The following MARCHF1 variants were observed in gnomAD, a reference collection of about 807,000 sequenced individuals.
MARCHF1 encodes membrane associated ring-CH-type finger 1.
Under a neutral mutation model 54.2 loss-of-function variants are expected in MARCHF1, and 40 were observed. The ratio of observed to expected loss-of-function variants is 0.74; its 90% CI spans 0.57 to 0.96. The LOEUF (loss-of-function observed/expected upper bound fraction) is 0.96. MARCHF1 is among the 40% of genes least tolerant of loss of function. The probability of loss-of-function intolerance (pLI) is 0.00; values close to 1 mark genes in which losing one functional copy is unlikely to be tolerated. For synonymous variants in MARCHF1, 236 were observed against 236.3 expected, an observed-to-expected ratio of 1.00 and a Z score of 0.01; for missense variants, 586 against 656.5, an observed-to-expected ratio of 0.89 and a Z score of 1.17.
chr4:164,070,067 G>A (rs1362056427), intron 2 of MARCHF1, among the ~76,000 whole-genome samples: 1 of 152,152 alleles, frequency 6.6e-6, no homozygotes, highest in Non-Finnish European at 1.5e-5. Flanking sequence ...TAAACATGGA[G>A]CATACATTGA....
chr4:164,110,786 T>C (rs965281197), intron 2 of MARCHF1, among the ~76,000 whole-genome samples: 1 of 151,534 alleles, frequency 6.6e-6, no homozygotes, highest in East Asian at 1.9e-4. Context: ...GTGTCTGTCA[T>C]AGGAAACTAC....
rs561072925 is a variant in MARCHF1 at position 163,705,675 on chromosome 4, C to A, written c.112-4812G>T. On this transcript the variant is annotated intron_variant, in intron 4 of 9. Coordinates refer to ENST00000514618, the MANE Select transcript of MARCHF1 (RefSeq NM_001394959.1). ...AAGTAAAACAAGAATTGAAGGAAAC[C>A]CCTTATAGTAATAAAGACAATATTC... Among the ~76,000 whole-genome samples the A allele has an allele frequency of 3.3e-5, 5 of 151,778 alleles. No homozygotes were observed. The South Asian group carries it at 1.0e-3, about 32-fold the overall frequency.
intron 1 of MARCHF1, among the ~76,000 whole-genome samples, chr4:164,112,380 G>A (rs1204323105): frequency 1.3e-5 from 2 of 151,892 alleles, no homozygotes; most frequent in Non-Finnish European, 2.9e-5. Context: ...ACAATTGTGT[G>A]TATAATGAGC....
At chr4:163,954,972 G>A (rs982064556) in intron 3 of MARCHF1, among the ~76,000 whole-genome samples, 2 of 151,974 alleles carry the variant, frequency 1.3e-5, no homozygotes, top group African/African-American at 4.8e-5. Flanking sequence ...TAACACATTT[G>A]TCTGCCTCCG....
rs542004031 is a variant in MARCHF1, at chr4:163,632,886, G to T, written c.163-19493C>A. Among the ~76,000 whole-genome samples the T allele has an allele frequency of 5.3e-5, 8 of 152,348 alleles. No homozygotes were observed. In the East Asian group the frequency reaches 1.5e-3, roughly 29 times the overall value. ...AAGAGAGCAGTGGTTCTCCCAGTAT[G>T]CAGCTGGAGATCTGAGAACGGGCAG... On this transcript the variant is annotated intron_variant, in intron 5 of 9. Transcript: ENST00000514618.
At chr4:164,155,268 C>T (rs1730047180) in intron 1 of MARCHF1, among the ~76,000 whole-genome samples, 1 of 152,026 alleles carries the variant, frequency 6.6e-6, no homozygotes, top group Admixed American at 6.5e-5. Context: ...TAGTATTTCC[C>T]TGTCTCCTGT....
chr4:164,193,637 C>T (rs114775618), intron 1 of MARCHF1, among the ~76,000 whole-genome samples: 1 of 152,038 alleles, frequency 6.6e-6, no homozygotes, highest in Non-Finnish European at 1.5e-5. Context: ...AATGGATGTT[C>T]TATGAGGGCA....
At chr4:163,972,623 T>A (rs1330451505) in intron 3 of MARCHF1, among the ~76,000 whole-genome samples, 1 of 152,116 alleles carries the variant, frequency 6.6e-6, no homozygotes, top group East Asian at 1.9e-4. Flanking sequence ...CTCAGCTCAC[T>A]GCAAGCTCCA....
intron 1 of MARCHF1, among the ~76,000 whole-genome samples, chr4:164,158,568 G>T (rs185247022): frequency 5.2e-4 from 79 of 152,234 alleles, no homozygotes; most frequent in African/African-American, 1.9e-3. Context: ...TTGAACCAGG[G>T]AGGCAGAGGT....
intron 4 of MARCHF1, among the ~76,000 whole-genome samples, chr4:163,714,426 T>A (rs1464441059): frequency 6.6e-6 from 1 of 152,236 alleles, no homozygotes; most frequent in Non-Finnish European, 1.5e-5. Flanking sequence ...GCTAATGAAA[T>A]CAGTTTGGGG....
intron 1 of MARCHF1, among the ~76,000 whole-genome samples, chr4:164,355,347 C>G (rs1303422175): frequency 1.0e-5 from 1 of 96,066 alleles, no homozygotes; most frequent in East Asian, 3.6e-4. Context: ...AGGCATCACA[C>G]TACCTGACTT....
At chr4:164,230,557 C>T (rs1376159843) in intron 1 of MARCHF1, among the ~76,000 whole-genome samples, 1 of 152,006 alleles carries the variant, frequency 6.6e-6, no homozygotes, top group Non-Finnish European at 1.5e-5. Flanking sequence ...CAGTTCTTTA[C>T]TAGCTATTTT....
intron 1 of MARCHF1, among the ~76,000 whole-genome samples, chr4:164,172,528 T>G (rs761690212): frequency 6.6e-6 from 1 of 152,144 alleles, no homozygotes; most frequent in Non-Finnish European, 1.5e-5. Flanking sequence ...GATGCACAAA[T>G]TCATTATCTT....
chr4:164,069,082 G>C (rs563866892), intron 2 of MARCHF1, among the ~76,000 whole-genome samples: 1 of 152,280 alleles, frequency 6.6e-6, no homozygotes, highest in African/African-American at 2.4e-5. Flanking sequence ...GCACCAATCA[G>C]CACTCTGTGT....
intron 1 of MARCHF1, chr4:164,188,635 C>CA (rs1264604012): frequency 9.6e-7 from 1 of 1,044,906 alleles, no homozygotes; most frequent in East Asian, 2.4e-5. Context: ...AGCTCACCTC[C>CA]AATCCCAAGA....
chr4:164,197,724 C>T, intron 1 of MARCHF1: 2 of 1,611,428 alleles, frequency 1.2e-6, no homozygotes, highest in Non-Finnish European at 1.7e-6. Flanking sequence ...CTCGCGCTCT[C>T]TGTCTGCAGA....
intron 2 of MARCHF1, among the ~76,000 whole-genome samples, chr4:164,026,946 G>A (rs1031584906): frequency 1.3e-5 from 2 of 151,914 alleles, no homozygotes; most frequent in Non-Finnish European, 2.9e-5. Context: ...ACTAATCATG[G>A]TCAAGCTGAG....
chr4:163,734,678 T>TG (rs1458352471), intron 4 of MARCHF1, among the ~76,000 whole-genome samples: 1 of 151,610 alleles, frequency 6.6e-6, no homozygotes, highest in Non-Finnish European at 1.5e-5. Flanking sequence ...ATAAAAGCAG[T>TG]GGGGAGGGAT....
At chr4:164,071,975 G>C (rs749954035) in intron 2 of MARCHF1, among the ~76,000 whole-genome samples, 10 of 151,418 alleles carry the variant, frequency 6.6e-5, no homozygotes, top group Non-Finnish European at 1.0e-4. Flanking sequence ...ATATCAAGTA[G>C]ATAAATAGAA....
Sources: allele counts gnomAD v4.1 joint callset (sites outside exome capture counted in the v4.1 genomes callset), GRCh38; gene constraint gnomAD v4.1.1; transcripts MANE v1.5; gene names NCBI Gene and HGNC (gene_info 2026-07-23, HGNC 2026-07-21).